DGKB: variants seen among roughly 807,000 people sequenced by gnomAD.
DGKB encodes the protein 90 kDa diacylglycerol kinase.
Under a neutral mutation model 114.3 loss-of-function variants are expected in DGKB, and 67 were observed. The ratio of observed to expected loss-of-function variants is 0.59; its 90% CI spans 0.48 to 0.72. The LOEUF (loss-of-function observed/expected upper bound fraction) is 0.72. Among genes scored for constraint, DGKB ranks in the 30% least tolerant of loss-of-function variants. The pLI, the probability that DGKB is intolerant of heterozygous loss-of-function variation, is 0.00. For missense variants in DGKB, 907 were observed against 975.2 expected, an observed-to-expected ratio of 0.93 and a Z score of 0.93; for synonymous variants, 398 against 323.1, an observed-to-expected ratio of 1.23 and a Z score of -2.49.
chr7:14,446,182 A>T (rs1398743037), intron 21 of DGKB, among the ~76,000 whole-genome samples: 1 of 152,108 alleles, frequency 6.6e-6, no homozygotes, highest in East Asian at 1.9e-4. Flanking sequence ...AAAAGACTTA[A>T]GAGAAAATCC....
chr7:14,562,898 T>C (rs1468345217), intron 20 of DGKB, among the ~76,000 whole-genome samples: 2 of 152,100 alleles, frequency 1.3e-5, no homozygotes, highest in Non-Finnish European at 2.9e-5. Flanking sequence ...AATGTGAGGA[T>C]AGGAGATTTG....
chr7:14,147,552 A>C lies in DGKB; in HGVS notation c.*1579T>G, dbSNP rs1470447857. ...AAATCCATGCACAGGATTGTGTTCA[A>C]CAGAATCACTAAATGCTATTTGTTA... On this transcript the variant is annotated 3_prime_UTR_variant, in exon 26 of 26. Transcript: ENST00000402815. 6.6e-6 allele frequency: 1 copy of C among 152,176 alleles called. No homozygotes were observed. Among genetic ancestry groups the C allele is most frequent in the Non-Finnish European group, 1.5e-5 (1 of 67,998 alleles). The allele number at this position is 152,176 out of a possible 1,614,324, so 9.4% of individuals were successfully genotyped here. A position where few individuals can be genotyped will look rare whatever the true frequency, so the allele number is the denominator to read the frequency against.
At position 14,164,321 on chromosome 7, in the gene DGKB, C is replaced by T. The variant is rs1044869939; in HGVS notation, c.2304+12518G>A. Among the ~76,000 whole-genome samples the T allele has an allele frequency of 3.9e-5, 6 of 152,256 alleles. No individual in the cohort carries two copies. In the East Asian group the frequency reaches 9.7e-4, roughly 25 times the overall value. On this transcript the variant is annotated intron_variant, in intron 25 of 25. Transcript: ENST00000402815. ...AAAAACGGTGTGTCTACCAAGTCAG[C>T]AAGTGTTGCTACAATCGCTGTGCAA...
intron 23 of DGKB, among the ~76,000 whole-genome samples, chr7:14,231,574 G>A (rs950395729): frequency 7.0e-6 from 1 of 143,682 alleles, no homozygotes; most frequent in Non-Finnish European, 1.6e-5. Flanking sequence ...TATTTTATGT[G>A]TGTATATGTT....
chr7:14,751,010 G>C (rs942639887), intron 4 of DGKB, among the ~76,000 whole-genome samples: 10 of 151,524 alleles, frequency 6.6e-5, no homozygotes, highest in Non-Finnish European at 2.9e-5. Context: ...TACCATGTTG[G>C]CCAGGCTGGC....
At chr7:14,703,655 A>C (rs1825617552) in intron 6 of DGKB, among the ~76,000 whole-genome samples, 1 of 152,126 alleles carries the variant, frequency 6.6e-6, no homozygotes, top group Non-Finnish European at 1.5e-5. Context: ...CAGTGATTTC[A>C]GAGAGAATAT....
chr7:14,355,620 A>G (rs991841652), intron 21 of DGKB, among the ~76,000 whole-genome samples: 1 of 152,208 alleles, frequency 6.6e-6, no homozygotes, highest in African/African-American at 2.4e-5. Context: ...CATCCCAGGG[A>G]TGAAGCCAAC....
At chr7:14,472,288 C>T (rs938103850) in intron 21 of DGKB, among the ~76,000 whole-genome samples, 1 of 152,138 alleles carries the variant, frequency 6.6e-6, no homozygotes, top group Non-Finnish European at 1.5e-5. Flanking sequence ...ATGCTGTTCT[C>T]ATGATAATGA....
At chr7:14,464,460 A>T (rs1381741593) in intron 21 of DGKB, among the ~76,000 whole-genome samples, 1 of 152,202 alleles carries the variant, frequency 6.6e-6, no homozygotes, top group African/African-American at 2.4e-5. Flanking sequence ...ATAAAGAACA[A>T]ACTGTGTCTA....
Position 14,841,234 on chromosome 7 carries a change from G to A in DGKB, c.30C>T (p.Leu10=). MTNQEKWAH[L]SPSEFSQLQK... is the part of the protein sequence containing the mutation. ...GAAGTTGGGAAAATTCCGAAGGGCT[G>A]AGGTGGGCCCATTTTTCCTGGTTTG... Residue 10 remains leucine, a synonymous_variant, in exon 2 of 26, where the codon CTC becomes CTT. Transcript: ENST00000402815. 2 of 1,613,646 alleles carry A rather than the reference G, an allele frequency of 1.2e-6. No homozygotes were observed. Among genetic ancestry groups the A allele is most frequent in the African/African-American group, 1.3e-5 (1 of 75,046 alleles).
chr7:14,262,606 A>T (rs2128415584), intron 23 of DGKB, among the ~76,000 whole-genome samples: 1 of 152,304 alleles, frequency 6.6e-6, no homozygotes, highest in Admixed American at 6.5e-5. Flanking sequence ...ACTGACACAG[A>T]TGGGACCCAA....
At chr7:14,738,809 G>C (rs1022384400) in intron 4 of DGKB, among the ~76,000 whole-genome samples, 2 of 152,174 alleles carry the variant, frequency 1.3e-5, no homozygotes, top group African/African-American at 4.8e-5. Flanking sequence ...CTAGAAATTG[G>C]TGAAAGTTTT....
chr7:14,646,517 C>G (rs1045299463), intron 13 of DGKB, among the ~76,000 whole-genome samples: 3 of 152,130 alleles, frequency 2.0e-5, no homozygotes, highest in Non-Finnish European at 2.9e-5. Flanking sequence ...CAGAGTATTT[C>G]ATCCAATAGC....
chr7:14,726,481 G>A (rs1255227840), intron 5 of DGKB, among the ~76,000 whole-genome samples: 1 of 152,150 alleles, frequency 6.6e-6, no homozygotes, highest in African/African-American at 2.4e-5. Context: ...GCTGGACAGA[G>A]AAAAATAAAT....
intron 2 of DGKB, among the ~76,000 whole-genome samples, chr7:14,837,885 G>A (rs1329625239): frequency 6.6e-6 from 1 of 152,106 alleles, no homozygotes; most frequent in Non-Finnish European, 1.5e-5. Flanking sequence ...CCTTGGAGCA[G>A]GAAATCTAGC....
chr7:14,756,962 A>G (rs533581910), intron 3 of DGKB, among the ~76,000 whole-genome samples: 2 of 152,222 alleles, frequency 1.3e-5, no homozygotes, highest in Admixed American at 6.5e-5. Context: ...TTAACAAGCA[A>G]TTAGGAAGGA....
At chr7:14,927,537 G>A (rs1441765019) in intron 1 of DGKB, among the ~76,000 whole-genome samples, 1 of 151,774 alleles carries the variant, frequency 6.6e-6, no homozygotes, top group Non-Finnish European at 1.5e-5. Context: ...ACAAAAAAAA[G>A]CAAACTCCTA....
chr7:14,792,050 T>C (rs1036858708), intron 2 of DGKB, among the ~76,000 whole-genome samples: 4 of 152,178 alleles, frequency 2.6e-5, no homozygotes, highest in Admixed American at 6.5e-5. Flanking sequence ...TTAATTCTTC[T>C]GTAAATTTTT....
rs1821489880 is a variant in DGKB at position 14,685,297 on chromosome 7, G to A, written c.777C>T (p.Asn259=). The A allele has an allele frequency of 4.3e-6, 7 of 1,613,858 alleles. No individual in the cohort carries two copies. Among genetic ancestry groups the A allele is most frequent in the Non-Finnish European group, 5.9e-6 (7 of 1,179,812 alleles). Residue 259 remains asparagine, a synonymous_variant, in exon 10 of 26, where the codon AAC becomes AAT. Coordinates refer to ENST00000402815, the MANE Select transcript of DGKB (RefSeq NM_001350709.2). The part of the protein sequence containing the change: ...LKHFNKPAYC[N]LCLNMLIGVG... Reference sequence around the variant, plus strand: ...CGCCAATCAGCATGTTCAGGCAAAGGTTGCAATAGGCAGGTTTGTTAAAGT... The same window carrying A: ...CGCCAATCAGCATGTTCAGGCAAAGATTGCAATAGGCAGGTTTGTTAAAGT...
Sources: allele counts gnomAD v4.1 joint callset (sites outside exome capture counted in the v4.1 genomes callset), GRCh38; gene constraint gnomAD v4.1.1; transcripts MANE v1.5; gene names NCBI Gene and HGNC (gene_info 2026-07-23, HGNC 2026-07-21).